The following NLGN1 variants were observed in gnomAD, a reference collection of about 807,000 sequenced individuals.
NLGN1 encodes the protein neuroligin 1.
A neutral mutation model predicts 65.5 loss-of-function variants in NLGN1; 12 were observed. The ratio of observed to expected loss-of-function variants is 0.18; its 90% CI spans 0.12 to 0.30. The LOEUF (loss-of-function observed/expected upper bound fraction) is 0.30. Among genes scored for constraint, NLGN1 ranks in the 10% least tolerant of loss-of-function variants. NLGN1 has a pLI of 1.00. For missense variants in NLGN1, 750 were observed against 1,007.1 expected, an observed-to-expected ratio of 0.74 and a Z score of 3.46; for synonymous variants, 350 against 359.5, an observed-to-expected ratio of 0.97 and a Z score of 0.30.
chr3:173,659,987 A>G (rs1760686086), intron 3 of NLGN1, among the ~76,000 whole-genome samples: 1 of 151,950 alleles, frequency 6.6e-6, no homozygotes, highest in South Asian at 2.1e-4. Flanking sequence ...CTTGTCCTTA[A>G]CTGGCAGATA....
intron 4 of NLGN1, among the ~76,000 whole-genome samples, chr3:174,251,522 A>C (rs1407764652): frequency 6.6e-6 from 1 of 152,196 alleles, no homozygotes; most frequent in Non-Finnish European, 1.5e-5. Context: ...AAAGCTGGAC[A>C]ATTGCAATAT....
chr3:173,618,872 T>C (rs1331050418), intron 3 of NLGN1, among the ~76,000 whole-genome samples: 1 of 152,062 alleles, frequency 6.6e-6, no homozygotes, highest in Non-Finnish European at 1.5e-5. Context: ...ATCAACTGGA[T>C]CTGTGCCTCA....
chr3:173,917,557 C>A (rs760521170), intron 4 of NLGN1, among the ~76,000 whole-genome samples: 4 of 152,134 alleles, frequency 2.6e-5, no homozygotes, highest in Non-Finnish European at 5.9e-5. Context: ...GTAGATTTTA[C>A]TAAAACAAGA....
At chr3:174,035,037 A>G (rs1730821685) in intron 4 of NLGN1, among the ~76,000 whole-genome samples, 2 of 152,180 alleles carry the variant, frequency 1.3e-5, no homozygotes, top group South Asian at 2.1e-4. Context: ...ACTTCAGGAC[A>G]AGGAATAATT....
intron 4 of NLGN1, among the ~76,000 whole-genome samples, chr3:174,181,893 A>G (rs1730492942): frequency 6.7e-6 from 1 of 149,316 alleles, no homozygotes; most frequent in Admixed American, 6.8e-5. Flanking sequence ...GGAAAATCAC[A>G]TGAGCCCAGG....
chr3:173,679,006 G>T (rs1763564713), intron 3 of NLGN1, among the ~76,000 whole-genome samples: 1 of 151,924 alleles, frequency 6.6e-6, no homozygotes. Context: ...TTGGGAATTA[G>T]ATGAGTTTGG....
intron 3 of NLGN1, among the ~76,000 whole-genome samples, chr3:173,791,624 G>A (rs888902129): frequency 2.7e-5 from 4 of 150,320 alleles, no homozygotes; most frequent in Admixed American, 6.6e-5. Flanking sequence ...TAGTGCTAAC[G>A]GCTTTCCAGT....
In NLGN1 at chr3:173,415,631, T is replaced by G. The variant is rs1713540027; in HGVS notation, c.-390+17144T>G. ...TATTCTTGCCTGTTTCGTAGAGTAGTATTAAAGGACCAATAGGTCAAAGTC... is the reference window on the plus strand; with the variant it reads ...TATTCTTGCCTGTTTCGTAGAGTAGGATTAAAGGACCAATAGGTCAAAGTC... On this transcript the variant is annotated intron_variant, in intron 1 of 6. Coordinates refer to ENST00000457714, the Ensembl canonical transcript of NLGN1. Among the ~76,000 whole-genome samples the G allele has an allele frequency of 2.0e-5, 3 of 152,244 alleles. No individual in the cohort carries two copies. In the South Asian group the frequency reaches 6.2e-4, roughly 32 times the overall value.
At chr3:173,498,063 T>C (rs1730330704) in intron 2 of NLGN1, among the ~76,000 whole-genome samples, 1 of 151,818 alleles carries the variant, frequency 6.6e-6, no homozygotes, top group African/African-American at 2.4e-5. Context: ...CATTTTTTTT[T>C]AGTATTATAC....
At chr3:173,524,888 C>G (rs1240030367) in intron 2 of NLGN1, among the ~76,000 whole-genome samples, 1 of 152,088 alleles carries the variant, frequency 6.6e-6, no homozygotes, top group East Asian at 1.9e-4. Flanking sequence ...ATATGTGAAC[C>G]ATCCTTGCAT....
chr3:173,825,945 A>G (rs1204732821), intron 4 of NLGN1, among the ~76,000 whole-genome samples: 1 of 152,046 alleles, frequency 6.6e-6, no homozygotes, highest in Non-Finnish European at 1.5e-5. Context: ...GGTTACACCC[A>G]AGACTCAATT....
intron 2 of NLGN1, among the ~76,000 whole-genome samples, chr3:173,497,991 T>C (rs1730319418): frequency 6.6e-6 from 1 of 151,824 alleles, no homozygotes; most frequent in Non-Finnish European, 1.5e-5. Context: ...ACTAACAACA[T>C]GCTTCCTCTC....
At chr3:174,003,389 C>G (rs907743640) in intron 4 of NLGN1, among the ~76,000 whole-genome samples, 5 of 152,080 alleles carry the variant, frequency 3.3e-5, no homozygotes, top group African/African-American at 7.2e-5. Flanking sequence ...GCATTAGTAT[C>G]ACCTGGGAGA....
intron 3 of NLGN1, among the ~76,000 whole-genome samples, chr3:173,748,139 T>C (rs984859892): frequency 3.9e-4 from 59 of 152,152 alleles, no homozygotes; most frequent in Admixed American, 1.1e-3. Flanking sequence ...TAGTAAATAT[T>C]ATTTGTTGAT....
intron 2 of NLGN1, among the ~76,000 whole-genome samples, chr3:173,547,305 C>T (rs1740032315): frequency 6.6e-6 from 1 of 152,160 alleles, no homozygotes; most frequent in Non-Finnish European, 1.5e-5. Context: ...GATTATAGCG[C>T]ATACTCTGAA....
intron 4 of NLGN1, among the ~76,000 whole-genome samples, chr3:174,180,415 T>C (rs1730171223): frequency 6.6e-6 from 1 of 152,176 alleles, no homozygotes; most frequent in Non-Finnish European, 1.5e-5. Context: ...CAATTTTGTT[T>C]TTGAGCTGTT....
chr3:174,208,169 G>C (rs1265491890), intron 4 of NLGN1, among the ~76,000 whole-genome samples: 2 of 152,100 alleles, frequency 1.3e-5, no homozygotes, highest in African/African-American at 4.8e-5. Flanking sequence ...CTTCCTGCGT[G>C]ACCACCCAAA....
intron 2 of NLGN1, among the ~76,000 whole-genome samples, chr3:173,594,919 G>T (rs1376155480): frequency 6.6e-6 from 1 of 152,178 alleles, no homozygotes; most frequent in Non-Finnish European, 1.5e-5. Flanking sequence ...GGCTGGAGCA[G>T]CTGGGACACA....
chr3:173,570,902 C>G (rs1347922125), intron 2 of NLGN1, among the ~76,000 whole-genome samples: 1 of 152,074 alleles, frequency 6.6e-6, no homozygotes, highest in Non-Finnish European at 1.5e-5. Context: ...TGGGGTTTCA[C>G]CAGGTTGGTC....
Sources: allele counts gnomAD v4.1 joint callset (sites outside exome capture counted in the v4.1 genomes callset), GRCh38; gene constraint gnomAD v4.1.1; transcripts MANE v1.5; gene names NCBI Gene and HGNC (gene_info 2026-07-23, HGNC 2026-07-21).